Variants in UBE2E2 observed in about 807,000 individuals in gnomAD.
UBE2E2 encodes ubiquitin conjugating enzyme E2 E2, also known as ubiquitin-conjugating enzyme E2 E2.
A neutral mutation model predicts 24.7 loss-of-function variants in UBE2E2; 6 were observed. The ratio of observed to expected loss-of-function variants is 0.24; its 90% CI spans 0.13 to 0.48. The LOEUF is 0.48. UBE2E2 is among the 20% of genes least tolerant of loss of function. The pLI is 0.99. For synonymous variants in UBE2E2, 104 were observed against 83.6 expected, an observed-to-expected ratio of 1.24 and a Z score of -1.33; for missense variants, 169 against 245.0, an observed-to-expected ratio of 0.69 and a Z score of 2.07.
chr3:23,294,706 A>T (rs1189169314), intron 3 of UBE2E2, among the ~76,000 whole-genome samples: 1 of 139,082 alleles, frequency 7.2e-6, no homozygotes, highest in Admixed American at 7.5e-5. Flanking sequence ...TTTATATAAT[A>T]TATTATAAAA....
chr3:23,509,052 T>C (rs1694524704), intron 4 of UBE2E2, among the ~76,000 whole-genome samples: 1 of 152,220 alleles, frequency 6.6e-6, no homozygotes, highest in Admixed American at 6.5e-5. Flanking sequence ...CAGTCTTCAG[T>C]ATCCCAAACA....
chr3:23,550,966 C>A (rs1428306602), intron 5 of UBE2E2, among the ~76,000 whole-genome samples: 1 of 152,152 alleles, frequency 6.6e-6, no homozygotes, highest in Non-Finnish European at 1.5e-5. Flanking sequence ...AAGATCCTGC[C>A]TTATTAGTAG....
rs374508587 is a variant in UBE2E2, at chr3:23,485,279, A to G, written c.228-14329A>G. On this transcript the variant is annotated intron_variant, in intron 3 of 5. Transcript: ENST00000396703. ...CCCAGCTAATTTTTGTATTTTTAAT[A>G]GAGACAAGGTTTCACTGTGTTGGCC... Among the ~76,000 whole-genome samples, 45 of 152,022 alleles carry G rather than the reference A, an allele frequency of 3.0e-4. 1 individual carries two copies. In the East Asian group the frequency reaches 8.6e-3, roughly 29 times the overall value.
In UBE2E2 at chr3:23,583,749, T is replaced by A. The variant is rs1368383348; in HGVS notation, c.509-5985T>A. On this transcript the variant is annotated intron_variant, in intron 5 of 5. Coordinates refer to ENST00000396703, the MANE Select transcript of UBE2E2 (RefSeq NM_152653.4). The surrounding 1 kb of genome is among the most constrained non-coding windows in gnomAD (Gnocchi z 4.1). ...GTTGATGCATAGAAATGCTACTGAT[T>A]TTTGTGCATTGATTTTGTATCCTGA... Among the ~76,000 whole-genome samples the A allele has an allele frequency of 6.6e-6, 1 of 152,218 alleles. No homozygotes were observed. Among genetic ancestry groups the A allele is most frequent in the African/African-American group, 2.4e-5 (1 of 41,448 alleles).
intron 3 of UBE2E2, among the ~76,000 whole-genome samples, chr3:23,481,981 G>C (rs890819256): frequency 6.6e-6 from 1 of 152,222 alleles, no homozygotes; most frequent in Non-Finnish European, 1.5e-5. Flanking sequence ...AGTGAACTCT[G>C]TATAGTATTA....
intron 3 of UBE2E2, among the ~76,000 whole-genome samples, chr3:23,404,642 AG>A (rs1275206137): frequency 6.6e-6 from 1 of 152,230 alleles, no homozygotes; most frequent in Non-Finnish European, 1.5e-5. Flanking sequence ...GTTTGTTTAT[AG>A]CAACACAAAG....
In UBE2E2 at chr3:23,203,451, C is replaced by T; in HGVS notation, c.-22C>T. 1.1e-5 allele frequency: 10 copies of T among 871,550 alleles called. No homozygotes were observed. The highest frequency in any genetic ancestry group is 1.3e-5 in the Non-Finnish European group (10 of 782,884). 54.0% of individuals were successfully genotyped at this position (871,550 alleles called of 1,614,324 possible). On this transcript the variant is annotated 5_prime_UTR_variant, in exon 1 of 6. Transcript: ENST00000396703. ...GGCTCGAGCCTGCGACCTGCACGGA[C>T]ACCCCCCCCTCAGGTATTCGCTCGG...
chr3:23,448,888 C>T (rs1698492004), intron 3 of UBE2E2, among the ~76,000 whole-genome samples: 1 of 152,184 alleles, frequency 6.6e-6, no homozygotes. Context: ...AAAATAATGT[C>T]ACAAATTTTA....
intron 3 of UBE2E2, among the ~76,000 whole-genome samples, chr3:23,428,515 A>C (rs1697982104): frequency 6.6e-6 from 1 of 152,186 alleles, no homozygotes; most frequent in South Asian, 2.1e-4. Context: ...TCAAATTCAA[A>C]GTAAGCAGAA....
At chr3:23,479,805 C>T (rs920430795) in intron 3 of UBE2E2, among the ~76,000 whole-genome samples, 2 of 152,188 alleles carry the variant, frequency 1.3e-5, no homozygotes, top group Admixed American at 6.5e-5. Context: ...TTTCTGCAAG[C>T]AGGTCATCTA....
intron 3 of UBE2E2, among the ~76,000 whole-genome samples, chr3:23,340,461 G>A (rs1376476679): frequency 2.0e-5 from 3 of 151,976 alleles, no homozygotes; most frequent in Non-Finnish European, 2.9e-5. Context: ...AATAATTACA[G>A]GTTGCCATTA....
At chr3:23,218,299 C>CTGAATATTA (rs1696534830) in intron 3 of UBE2E2, among the ~76,000 whole-genome samples, 1 of 152,048 alleles carries the variant, frequency 6.6e-6, no homozygotes, top group Non-Finnish European at 1.5e-5. Flanking sequence ...AGTTTATAAA[C>CTGAATATTA]TTACAGTAAT....
intron 3 of UBE2E2, among the ~76,000 whole-genome samples, chr3:23,291,215 G>T (rs1280805193): frequency 2.0e-5 from 3 of 152,134 alleles, no homozygotes; most frequent in Non-Finnish European, 4.4e-5. Flanking sequence ...CAAAAAGGTG[G>T]TTGAATTTCA....
intron 3 of UBE2E2, among the ~76,000 whole-genome samples, chr3:23,287,724 C>T (rs1400063959): frequency 6.7e-6 from 1 of 149,046 alleles, no homozygotes; most frequent in African/African-American, 2.5e-5. Flanking sequence ...GCTCATAGTG[C>T]CCCTAATGAT....
intron 3 of UBE2E2, among the ~76,000 whole-genome samples, chr3:23,423,644 G>T (rs778494): frequency 2.0e-5 from 3 of 151,970 alleles, no homozygotes; most frequent in African/African-American, 7.3e-5. Context: ...TGTCCAGTGC[G>T]TGTATTTATT....
At chr3:23,254,154 G>A (rs1697652962) in intron 3 of UBE2E2, among the ~76,000 whole-genome samples, 1 of 152,164 alleles carries the variant, frequency 6.6e-6, no homozygotes. Flanking sequence ...GCATATATCT[G>A]GTGGTGGGAA....
intron 3 of UBE2E2, among the ~76,000 whole-genome samples, chr3:23,245,708 G>A (rs1013794944): frequency 3.9e-5 from 6 of 152,056 alleles, no homozygotes; most frequent in Non-Finnish European, 8.8e-5. Context: ...TATTAGAGTA[G>A]AATTTTACAG....
chr3:23,340,088 C>G (rs955248054), intron 3 of UBE2E2, among the ~76,000 whole-genome samples: 2 of 152,040 alleles, frequency 1.3e-5, no homozygotes, highest in Non-Finnish European at 2.9e-5. Flanking sequence ...CCAGGACCTA[C>G]GTAGTTAACC....
At chr3:23,371,412 CTCAG>C (rs1319416657) in intron 3 of UBE2E2, among the ~76,000 whole-genome samples, 4 of 152,158 alleles carry the variant, frequency 2.6e-5, no homozygotes, top group Non-Finnish European at 5.9e-5. Context: ...TGTTTTCTCA[CTCAG>C]TGTCACTGAT....
Sources: gnomAD v4.1 joint callset for allele counts (sites outside exome capture counted in the v4.1 genomes callset) on GRCh38, gnomAD v4.1.1 for gene constraint, Gnocchi (gnomAD v3.1) non-coding constraint, MANE v1.5 for transcripts, NCBI Gene and HGNC (gene_info 2026-07-23, HGNC 2026-07-21) for gene names.